UGT3A1: variants seen among roughly 807,000 people sequenced by gnomAD.
UGT3A1 encodes the protein UDP glycosyltransferase family 3 member A1.
In UGT3A1, 40 loss-of-function variants were observed where a neutral mutation model predicts 37.6. That is an observed-to-expected ratio of 1.06 (90% CI 0.83 to 1.38). UGT3A1 has a LOEUF of 1.38. Among genes scored for constraint, UGT3A1 ranks in the 40% most tolerant of loss-of-function variants. UGT3A1 has a pLI of 0.00. For synonymous variants in UGT3A1, 256 were observed against 232.3 expected (o/e 1.10, Z -0.93); for missense variants, 642 against 634.2 (o/e 1.01, Z -0.13).
intron 6 of UGT3A1, 44 bp downstream of exon 6, chr5:35,955,601 T>C: frequency 4.4e-6 from 7 of 1,604,742 alleles, no homozygotes; most frequent in Non-Finnish European, 6.0e-6. Context: ...GTGTTTTCTA[T>C]CTTCATTCAG....
chr5:35,996,327 A>C (rs901932973), upstream of UGT3A1, among the ~76,000 whole-genome samples: 17 of 152,316 alleles, frequency 1.1e-4, no homozygotes, highest in African/African-American at 4.1e-4. Context: ...AGATTCATAT[A>C]ATAATAAACC....
At chr5:35,954,627 C>T (rs1739285450) in intron 6 of UGT3A1, 149 bp from the exon 7 acceptor site, 1 of 952,104 alleles carries the variant, frequency 1.1e-6, no homozygotes, top group Admixed American at 2.7e-5. Flanking sequence ...TTGGCATGGC[C>T]TTGCCACGGT....
rs1741206463 is a variant in UGT3A1, at chr5:36,000,816, C to G, written c.-160+152G>C. On this transcript the variant is annotated intron_variant, in intron 1 of 5. Coordinates refer to the UGT3A1 transcript ENST00000625798. Reference sequence around the variant, plus strand: ...CACTTAAACTATCTGATTTAATATCCTTTAGTAACTGAAGTGAATTTCACA... The same window carrying G: ...CACTTAAACTATCTGATTTAATATCGTTTAGTAACTGAAGTGAATTTCACA... 2.6e-5 allele frequency among the ~76,000 whole-genome samples: 4 copies of G among 152,288 alleles called. No homozygotes were observed. In the South Asian group the frequency reaches 8.3e-4, roughly 32 times the overall value.
intron 3 of UGT3A1, 131 bp from the exon 4 acceptor site, chr5:35,966,048 A>T (rs1739797797): frequency 1.4e-6 from 1 of 690,652 alleles, no homozygotes; most frequent in African/African-American, 1.8e-5. Flanking sequence ...CCATTCTACA[A>T]TGTTTCAACA....
chr5:35,996,023 A>G (rs1436097099), upstream of UGT3A1, among the ~76,000 whole-genome samples: 1 of 78,926 alleles, frequency 1.3e-5, no homozygotes, highest in East Asian at 3.0e-4. Context: ...GCGCTATGAC[A>G]AAAAAAAAAA....
chr5:35,975,307 T>C (rs143981303), intron 2 of UGT3A1, among the ~76,000 whole-genome samples: 2 of 152,370 alleles, frequency 1.3e-5, no homozygotes, highest in African/African-American at 4.8e-5. Flanking sequence ...GAGAACAACA[T>C]TGATTGCCTG....
At chr5:35,980,511 C>G (rs770609271) in intron 2 of UGT3A1, among the ~76,000 whole-genome samples, 5 of 152,190 alleles carry the variant, frequency 3.3e-5, no homozygotes, top group African/African-American at 9.6e-5. Context: ...TTCCAGAGAA[C>G]AGCTCAGTAC....
At chr5:35,958,431 T>G (rs1259244859) in intron 4 of UGT3A1, among the ~76,000 whole-genome samples, 1 of 152,220 alleles carries the variant, frequency 6.6e-6, no homozygotes, top group East Asian at 1.9e-4. Flanking sequence ...TAGGATAACT[T>G]GATTCCATCC....
At chr5:35,991,904 G>A (rs531058348), upstream of UGT3A1, among the ~76,000 whole-genome samples, 1 of 152,106 alleles carries the variant, frequency 6.6e-6, no homozygotes, top group African/African-American at 2.4e-5. Context: ...ACTGAAATTC[G>A]AACACAGAGA....
rs1739214327 is a variant in UGT3A1, at chr5:35,952,338, C to T, written c.*1864G>A. ...GTAGCCAGGACCAAATCATAGAGCC[C>T]TTATATTCCACACAATGGGAACAAA... On this transcript the variant is annotated 3_prime_UTR_variant, in exon 7 of 7. Coordinates refer to ENST00000274278, the MANE Select transcript of UGT3A1 (RefSeq NM_152404.4). 1 of 152,180 alleles carries T rather than the reference C, an allele frequency of 6.6e-6. No homozygotes were observed. The highest frequency in any genetic ancestry group is 2.4e-5 in the African/African-American group (1 of 41,428). The allele number at this position is 152,180 out of a possible 1,614,324, so 9.4% of individuals were successfully genotyped here. A position where few individuals can be genotyped will look rare whatever the true frequency, so the allele number is the denominator to read the frequency against.
chr5:35,988,301 T>G, intron 2 of UGT3A1, 149 bp downstream of exon 2: 1 of 565,958 alleles, frequency 1.8e-6, no homozygotes, highest in Non-Finnish European at 3.1e-6. Context: ...TTCCAATACT[T>G]AACATGAACA....
At chr5:35,991,102 G>A (rs546386534) in intron 1 of UGT3A1, 45 bp downstream of exon 1, 1 of 1,614,142 alleles carries the variant, frequency 6.2e-7, no homozygotes, top group East Asian at 2.2e-5. Flanking sequence ...GCAGTGCGGG[G>A]ATCCGGGACG....
intron 1 of UGT3A1, among the ~76,000 whole-genome samples, chr5:35,990,083 C>T (rs1164197863): frequency 6.8e-6 from 1 of 146,790 alleles, no homozygotes; most frequent in Non-Finnish European, 1.5e-5. Context: ...CAGAGCAAGA[C>T]TCCGTCTCAA....
intron 2 of UGT3A1, among the ~76,000 whole-genome samples, chr5:35,987,418 T>G (rs1740770428): frequency 6.6e-6 from 1 of 152,222 alleles, no homozygotes; most frequent in Non-Finnish European, 1.5e-5. Context: ...ACAGAATCAT[T>G]TGTAGATTTT....
chr5:35,997,087 A>G (rs1741113864), intron 2 of UGT3A1, among the ~76,000 whole-genome samples: 1 of 152,180 alleles, frequency 6.6e-6, no homozygotes, highest in South Asian at 2.1e-4. Context: ...TATTTCCTGC[A>G]CAAGCCTCTG....
At position 35,955,758 on chromosome 5, in the gene UGT3A1, C is replaced by A; in HGVS notation, c.1182G>T (p.Gln394His). 1 of 1,614,196 alleles carries A rather than the reference C, an allele frequency of 6.2e-7. No individual in the cohort carries two copies. Among genetic ancestry groups the A allele is most frequent in the South Asian group, 1.1e-5 (1 of 91,088 alleles). The change falls in exon 6 of 7, where the codon CAG becomes CAT. Residue 394 changes from glutamine (Q) to histidine (H), a missense_variant. Physicochemically the swap from Gln to His is conservative, Grantham distance 24. Transcript: ENST00000274278. Reference protein sequence around the residue: ...PMVGLPVNGDQHGNMVRVVAK... With the variant: ...PMVGLPVNGDHHGNMVRVVAK... Reference sequence around the variant, plus strand: ...CTACTACTCGGACCATGTTTCCATGCTGGTCTCCATTGACTGGTAATCCCA... The same window carrying A: ...CTACTACTCGGACCATGTTTCCATGATGGTCTCCATTGACTGGTAATCCCA...
chr5:35,968,471 T>G (rs1256463757), intron 2 of UGT3A1, among the ~76,000 whole-genome samples: 2 of 152,234 alleles, frequency 1.3e-5, no homozygotes, highest in Non-Finnish European at 1.5e-5. Context: ...GCACACATAA[T>G]GAGCTGTAGG....
chr5:35,965,314 A>T lies in UGT3A1; in HGVS notation c.843+72T>A. On this transcript the variant is annotated intron_variant, in intron 4 of 6. Coordinates refer to ENST00000274278, the MANE Select transcript of UGT3A1 (RefSeq NM_152404.4). ...ACTTCAACCTCAGGATCCCACTGGC[A>T]GGTGGCAGCCACCAACTATGCACCC... The T allele has an allele frequency of 3.2e-6, 5 of 1,543,964 alleles. No homozygotes were observed. In the South Asian group the frequency reaches 3.9e-5, roughly 12 times the overall value.
chr5:35,988,834 C>T (rs972032718), intron 1 of UGT3A1, among the ~76,000 whole-genome samples: 1 of 152,160 alleles, frequency 6.6e-6, no homozygotes, highest in Non-Finnish European at 1.5e-5. Context: ...GTGTAATGAG[C>T]TTCTCTGTGA....
Sources: gnomAD v4.1 joint callset for allele counts (sites outside exome capture counted in the v4.1 genomes callset) on GRCh38, gnomAD v4.1.1 for gene constraint, MANE v1.5 for transcripts, NCBI Gene and HGNC (gene_info 2026-07-23, HGNC 2026-07-21) for gene names.